The following CDH18 variants were observed in gnomAD, a reference collection of about 807,000 sequenced individuals.
The protein encoded by CDH18 is cadherin 18, also known as cadherin-18.
In CDH18, 31 loss-of-function variants were observed where a neutral mutation model predicts 67.9. The ratio of observed to expected loss-of-function variants is 0.46; its 90% CI spans 0.34 to 0.62. The LOEUF is 0.62. Among genes scored for constraint, CDH18 ranks in the 20% least tolerant of loss-of-function variants. CDH18 has a pLI of 0.01. For missense variants in CDH18, 890 were observed against 975.5 expected (o/e 0.91, Z 1.17); for synonymous variants, 362 against 347.2 (o/e 1.04, Z -0.48).
At chr5:20,348,258 C>A (rs1412297580) in intron 1 of CDH18, among the ~76,000 whole-genome samples, 1 of 152,080 alleles carries the variant, frequency 6.6e-6, no homozygotes, top group African/African-American at 2.4e-5. Flanking sequence ...AACTCATTAA[C>A]AACAAAGAGA....
intron 1 of CDH18, among the ~76,000 whole-genome samples, chr5:20,478,754 G>C (rs1752602297): frequency 1.3e-5 from 2 of 152,182 alleles, no homozygotes; most frequent in South Asian, 4.1e-4. Context: ...GGCTTTGAGT[G>C]AACATCAGCA....
At chr5:20,567,637 C>T (rs1242047858) in intron 1 of CDH18, among the ~76,000 whole-genome samples, 1 of 152,108 alleles carries the variant, frequency 6.6e-6, no homozygotes, top group East Asian at 1.9e-4. Flanking sequence ...TGAGAATGTG[C>T]TTTTTTTTCA....
At chr5:19,503,146 T>C (rs1743540464) in intron 10 of CDH18, 37 bp from the exon 11 acceptor site, 1 of 1,064,546 alleles carries the variant, frequency 9.4e-7, no homozygotes, top group African/African-American at 1.6e-5. Context: ...TAAATTTAAT[T>C]TTGCTTGTTC....
intron 3 of CDH18, among the ~76,000 whole-genome samples, chr5:19,815,315 T>C (rs530042189): frequency 1.5e-3 from 230 of 152,120 alleles, no homozygotes; most frequent in African/African-American, 5.3e-3. Context: ...CGTTTTGATA[T>C]AAAAGCTTTC....
At chr5:19,606,678 G>A (rs1259481711) in intron 6 of CDH18, among the ~76,000 whole-genome samples, 1 of 151,804 alleles carries the variant, frequency 6.6e-6, no homozygotes, top group Admixed American at 6.6e-5. Flanking sequence ...AGCAAAGACA[G>A]TAATAGATGA....
intron 2 of CDH18, among the ~76,000 whole-genome samples, chr5:19,945,972 A>C (rs558348200): frequency 2.0e-4 from 31 of 152,278 alleles, no homozygotes; most frequent in Middle Eastern, 3.4e-3. Context: ...AATTTGCTGC[A>C]CGCTCCACCA....
At position 20,537,596 on chromosome 5, in the gene CDH18, G is replaced by C. The variant is rs184732804; in HGVS notation, c.-580+37866C>G. On this transcript the variant is annotated intron_variant, in intron 1 of 14. Coordinates refer to the CDH18 transcript ENST00000507958. ...AAGACTCACAGCTGCAACTTTAAGC[G>C]CTAAGCTCTTAGGGTTGAAAATACC... 5.3e-5 allele frequency among the ~76,000 whole-genome samples: 8 copies of C among 152,138 alleles called. No individual in the cohort carries two copies. The South Asian group carries it at 1.2e-3, about 24-fold the overall frequency.
At chr5:19,622,523 T>G (rs1037180588) in intron 5 of CDH18, among the ~76,000 whole-genome samples, 1 of 152,334 alleles carries the variant, frequency 6.6e-6, no homozygotes, top group East Asian at 1.9e-4. Flanking sequence ...AAATTTGTGC[T>G]GGCCTGTGAC....
At chr5:19,571,873 A>T in intron 7 of CDH18, 41 bp from the exon 8 acceptor site, 1 of 1,515,564 alleles carries the variant, frequency 6.6e-7, no homozygotes, top group Non-Finnish European at 9.0e-7. Context: ...TTATAAAAAA[A>T]GTCATATTAT....
chr5:19,513,387 A>G (rs1214489598), intron 10 of CDH18, among the ~76,000 whole-genome samples: 3 of 152,278 alleles, frequency 2.0e-5, no homozygotes, highest in South Asian at 2.1e-4. Flanking sequence ...TTGGCTTCTG[A>G]TATCTGTAAA....
rs577027546 is a variant in CDH18, at chr5:19,651,758, G to A, written c.644-39157C>T. Among the ~76,000 whole-genome samples the A allele has an allele frequency of 2.6e-5, 4 of 152,156 alleles. No individual in the cohort carries two copies. The East Asian group carries it at 5.8e-4, about 22-fold the overall frequency. On this transcript the variant is annotated intron_variant, in intron 5 of 12. Transcript: ENST00000382275. ...TAAATGTCTATGATAAGCAGGTATA[G>A]TAAAAACAATAATTATCAGTCTAAA...
chr5:20,022,237 T>C (rs1275723451), intron 2 of CDH18, among the ~76,000 whole-genome samples: 1 of 152,244 alleles, frequency 6.6e-6, no homozygotes, highest in Non-Finnish European at 1.5e-5. Flanking sequence ...TGTTGTACTA[T>C]AATACAGGTA....
At position 20,045,862 on chromosome 5, in the gene CDH18, C is replaced by G. The variant is rs533995901; in HGVS notation, c.-517-53848G>C. Among the ~76,000 whole-genome samples the G allele has an allele frequency of 2.0e-5, 3 of 152,160 alleles. No individual in the cohort carries two copies. The East Asian group carries it at 5.8e-4, about 29-fold the overall frequency. ...GGCCAGAAAGCAGGCCCTCACCAGACATCGAATCTGTTGGTTCCTTGATCT... is the reference window on the plus strand; with the variant it reads ...GGCCAGAAAGCAGGCCCTCACCAGAGATCGAATCTGTTGGTTCCTTGATCT... On this transcript the variant is annotated intron_variant, in intron 2 of 14. Transcript: ENST00000507958.
intron 1 of CDH18, among the ~76,000 whole-genome samples, chr5:20,420,505 T>A (rs1185118886): frequency 1.3e-5 from 2 of 151,184 alleles, no homozygotes; most frequent in African/African-American, 4.9e-5. Flanking sequence ...CTCAGGACCA[T>A]TTTATTGTGA....
At chr5:20,181,951 T>C (rs1013122166) in intron 2 of CDH18, among the ~76,000 whole-genome samples, 10 of 152,136 alleles carry the variant, frequency 6.6e-5, no homozygotes, top group Admixed American at 5.9e-4. Flanking sequence ...TGTCTCAAAC[T>C]GCACTTTTAT....
rs548315648 is a variant in CDH18 at position 20,153,666 on chromosome 5, A to C, written c.-518+101778T>G. 2.6e-5 allele frequency among the ~76,000 whole-genome samples: 4 copies of C among 152,284 alleles called. No homozygotes were observed. In the East Asian group the frequency reaches 7.8e-4, roughly 30 times the overall value. ...GTAGAAGCAGGGTTGGTTTCTAGAA[A>C]GGCTTCTCTTCCTGTCTTACAGGTG... On this transcript the variant is annotated intron_variant, in intron 2 of 14. Transcript: ENST00000507958.
At chr5:19,858,844 TATTA>T (rs1784563292) in intron 2 of CDH18, among the ~76,000 whole-genome samples, 2 of 152,168 alleles carry the variant, frequency 1.3e-5, no homozygotes, top group Admixed American at 1.3e-4. Context: ...TACTTTTTTC[TATTA>T]ATGCTACTTC....
chr5:20,502,326 A>G (rs1754386873), intron 1 of CDH18, among the ~76,000 whole-genome samples: 1 of 152,186 alleles, frequency 6.6e-6, no homozygotes, highest in Non-Finnish European at 1.5e-5. Context: ...GAGAAAATAT[A>G]ACACACTACC....
intron 1 of CDH18, among the ~76,000 whole-genome samples, chr5:20,279,699 CAAAAAAAAAAAAAAAAAA>C (rs1189257278): frequency 0.011 from 146 of 13,606 alleles, 7 homozygotes; most frequent in African/African-American, 0.037. Context: ...AGCTCTGTCT[CAAAAAAAAAAAAAAAAAA>C]AAAAAAAAAA....
Sources: allele counts gnomAD v4.1 joint callset (sites outside exome capture counted in the v4.1 genomes callset), GRCh38; gene constraint gnomAD v4.1.1; transcripts MANE v1.5; gene names NCBI Gene and HGNC (gene_info 2026-07-23, HGNC 2026-07-21).